The following LAMC3 variants were observed in gnomAD, a reference collection of about 807,000 sequenced individuals.
LAMC3 encodes the protein laminin subunit gamma 3, also known as laminin subunit gamma-3.
Under a neutral mutation model 173.8 loss-of-function variants are expected in LAMC3, and 128 were observed. The ratio of observed to expected loss-of-function variants is 0.74; its 90% CI spans 0.64 to 0.85. The LOEUF (loss-of-function observed/expected upper bound fraction) is 0.85. LAMC3 is among the 40% of genes least tolerant of loss of function. The pLI, the probability that LAMC3 is intolerant of heterozygous loss-of-function variation, is 0.00. For missense variants in LAMC3, 2,022 were observed against 2,156.0 expected, an observed-to-expected ratio of 0.94 and a Z score of 1.23; for synonymous variants, 897 against 909.1, an observed-to-expected ratio of 0.99 and a Z score of 0.24.
rs975195322 is a variant in LAMC3, at chr9:131,069,668, C to T, written c.2891-4C>T. 3.1e-6 allele frequency: 5 copies of T among 1,599,808 alleles called. No individual in the cohort carries two copies. The African/African-American group carries it at 4.0e-5, about 13-fold the overall frequency. Reference sequence around the variant, plus strand: ...CCAGCACGCACTGCCCCTGGCCCCTCTAGCCTGCAGGTGCTCCCCACTGGG... The same window carrying T: ...CCAGCACGCACTGCCCCTGGCCCCTTTAGCCTGCAGGTGCTCCCCACTGGG... On this transcript the variant is annotated splice_region_variant and splice_polypyrimidine_tract_variant and intron_variant, in intron 16 of 27. Transcript: ENST00000361069.
In LAMC3 at chr9:131,009,381, G is replaced by A. The variant is rs771567632; in HGVS notation, c.167G>A (p.Ser56Asn). Residue 56 changes from serine (S) to asparagine (N), a missense_variant, in exon 1 of 28, where the codon AGC becomes AAC. By Grantham distance (46) the Ser-to-Asn change is conservative (BLOSUM62 1). Transcript: ENST00000361069. This position sits in a 1 kb window ranked among gnomAD's most constrained non-coding sequence, Gnocchi z 4.3. ...RLAQASHTCGSPPEDFCPHVG... is the reference protein window; with the variant it reads ...RLAQASHTCGNPPEDFCPHVG... ...GCCCAGGCCTCGCACACGTGCGGCA[G>A]CCCGCCCGAGGACTTCTGTCCCCAC... The A allele has an allele frequency of 3.3e-6, 5 of 1,527,528 alleles. No individual in the cohort carries two copies. The South Asian group carries it at 6.0e-5, about 18-fold the overall frequency. 94.6% of individuals were successfully genotyped at this position (1,527,528 alleles called of 1,614,324 possible). A position where few individuals can be genotyped will look rare whatever the true frequency, so the allele number is the denominator to read the frequency against.
At chr9:131,071,877 T>C (rs978542557) in intron 18 of LAMC3, among the ~76,000 whole-genome samples, 6 of 152,342 alleles carry the variant, frequency 3.9e-5, no homozygotes, top group Middle Eastern at 3.4e-3. Flanking sequence ...AGGGGTGTCA[T>C]GAGGCGCTGC....
intron 27 of LAMC3, among the ~76,000 whole-genome samples, chr9:131,089,378 A>C (rs893886692): frequency 1.3e-5 from 2 of 151,676 alleles, no homozygotes; most frequent in Admixed American, 6.6e-5. Flanking sequence ...TAGTATTTGT[A>C]CTTTTAAAAT....
At position 131,009,457 on chromosome 9, in the gene LAMC3, C is replaced by A; in HGVS notation, c.243C>A (p.Asp81Glu). ...ATTGCCAGCGCTGCGACGCCGCCGA[C>A]CCCCAGCGCCACCACAACGCCTCCT... The part of the protein sequence containing the change: ...GAHCQRCDAA[D>E]PQRHHNASYL... Residue 81 changes from aspartate (D) to glutamate (E), a missense_variant, in exon 1 of 28, where the codon GAC (aspartate) becomes GAA (glutamate). By Grantham distance (45) the Asp-to-Glu change is conservative. Transcript: ENST00000361069. The surrounding 1 kb of genome is among the most constrained non-coding windows in gnomAD (Gnocchi z 4.3). The A allele has an allele frequency of 6.5e-7, 1 of 1,547,302 alleles. No individual in the cohort carries two copies. Among genetic ancestry groups the A allele is most frequent in the Non-Finnish European group, 8.7e-7 (1 of 1,146,102 alleles).
At chr9:131,085,789 C>A in intron 25 of LAMC3, 66 bp downstream of exon 25, 1 of 1,480,170 alleles carries the variant, frequency 6.8e-7, no homozygotes, top group Non-Finnish European at 9.4e-7. Flanking sequence ...TTCCGCGGGC[C>A]CCTTCCCGAC....
chr9:131,031,447 G>A (rs898295557), intron 2 of LAMC3, among the ~76,000 whole-genome samples: 4 of 152,330 alleles, frequency 2.6e-5, no homozygotes, highest in South Asian at 2.1e-4. Flanking sequence ...CCCTGCTCTC[G>A]TGGAAGAGAT....
At chr9:131,033,153 C>A (rs1433545952) in intron 3 of LAMC3, among the ~76,000 whole-genome samples, 1 of 152,254 alleles carries the variant, frequency 6.6e-6, no homozygotes, top group African/African-American at 2.4e-5. Context: ...AGAGGCCCAT[C>A]TCTCACCTCA....
At chr9:131,074,006 G>A (rs1830081836) in intron 20 of LAMC3, among the ~76,000 whole-genome samples, 1 of 146,822 alleles carries the variant, frequency 6.8e-6, no homozygotes, top group East Asian at 2.0e-4. Context: ...GAGTGCAGTG[G>A]CGCTATCTCG....
rs1469043834 is a variant in LAMC3, at chr9:131,041,637, A to G, written c.1284A>G (p.Arg428=). 1 of 1,613,888 alleles carries G rather than the reference A, an allele frequency of 6.2e-7. No individual in the cohort carries two copies. Among genetic ancestry groups the G allele is most frequent in the Non-Finnish European group, 8.5e-7 (1 of 1,179,942 alleles). ...GFHSLSEGGC[R]PCTCNPAGSL... Reference sequence around the variant, plus strand: ...TCCTCTTGTCCTGTCTCATTGGCAGACCCTGCACTTGCAATCCCGCTGGCA... The same window carrying G: ...TCCTCTTGTCCTGTCTCATTGGCAGGCCCTGCACTTGCAATCCCGCTGGCA... The change falls in exon 7 of 28, where the codon AGA becomes AGG. Residue 428 remains arginine, a splice_region_variant and synonymous_variant. Coordinates refer to ENST00000361069, the MANE Select transcript of LAMC3 (RefSeq NM_006059.4).
At position 131,032,177 on chromosome 9, in the gene LAMC3, T is replaced by TAGGAGGG. The variant is rs763259337; in HGVS notation, c.809+13_809+19dup. ...GTCCGACTTCTCTGTGGGCGGCAGGTAGGAGGGAGGAGGGAGGCAGGGTGG... is the reference window on the plus strand; with the variant it reads ...GTCCGACTTCTCTGTGGGCGGCAGGTAGGAGGGAGGAGGGAGGAGGGAGGCAGGGTGG... On this transcript the variant is annotated splice_region_variant and intron_variant, in intron 3 of 27. Coordinates refer to ENST00000361069, the MANE Select transcript of LAMC3 (RefSeq NM_006059.4). The TAGGAGGG allele has an allele frequency of 4.6e-6, 7 of 1,532,774 alleles. No homozygotes were observed. The highest frequency in any genetic ancestry group is 3.3e-5 in the South Asian group (3 of 90,092). 94.9% of individuals were successfully genotyped at this position (1,532,774 alleles called of 1,614,324 possible). A position where few individuals can be genotyped will look rare whatever the true frequency, so the allele number is the denominator to read the frequency against.
chr9:131,044,248 A>G (rs1834108076), intron 7 of LAMC3, among the ~76,000 whole-genome samples: 1 of 150,916 alleles, frequency 6.6e-6, no homozygotes, highest in Non-Finnish European at 1.5e-5. Context: ...GCGGTGGCTC[A>G]TGCCTGTAAT....
At chr9:131,010,917 G>T (rs897815275) in intron 1 of LAMC3, among the ~76,000 whole-genome samples, 3 of 152,208 alleles carry the variant, frequency 2.0e-5, no homozygotes, top group Non-Finnish European at 4.4e-5. Context: ...CTGTGGCCGG[G>T]TAAGCGCCAA....
At chr9:131,036,133 C>T (rs758519325) in intron 3 of LAMC3, 33 bp from the exon 4 acceptor site, 20 of 1,611,706 alleles carry the variant, frequency 1.2e-5, no homozygotes, top group African/African-American at 9.3e-5. Context: ...CCGGCACCTG[C>T]GGGTCCCCTT....
At chr9:131,023,861 A>G (rs1162436246) in intron 1 of LAMC3, among the ~76,000 whole-genome samples, 3 of 152,064 alleles carry the variant, frequency 2.0e-5, no homozygotes, top group Non-Finnish European at 4.4e-5. Context: ...CTCCTTTGTC[A>G]GTTTTTAATT....
intron 3 of LAMC3, among the ~76,000 whole-genome samples, chr9:131,032,783 C>T (rs1833867522): frequency 6.6e-6 from 1 of 152,210 alleles, no homozygotes. Context: ...ATTCACCTGT[C>T]TCAGCCTCCC....
rs1400941387 is a variant in LAMC3 at position 131,052,679 on chromosome 9, T to C, written c.1819T>C (p.Phe607Leu). The change falls in exon 10 of 28, where the codon TTC (phenylalanine) becomes CTC (leucine). Residue 607 changes from phenylalanine to leucine, a missense_variant. Transcript: ENST00000361069. ...GCATCCCAGGGAGGTAGAGCTCAGG[T>C]TCCAGTAAGTATCCCCTTCTGTCCT... Reference protein sequence around the residue: ...AGHPREVELRFHLQETSEDVA... With the variant: ...AGHPREVELRLHLQETSEDVA... The C allele has an allele frequency of 6.2e-7, 1 of 1,613,090 alleles. No homozygotes were observed. Among genetic ancestry groups the C allele is most frequent in the Non-Finnish European group, 8.5e-7 (1 of 1,179,512 alleles).
intron 11 of LAMC3, 35 bp from the exon 12 acceptor site, chr9:131,056,894 C>A (rs1834417732): frequency 8.4e-6 from 13 of 1,555,440 alleles, no homozygotes; most frequent in Non-Finnish European, 1.1e-5. Context: ...GGAGCTTGTG[C>A]CTCCTCTCTT....
In LAMC3 at chr9:131,091,769, C is replaced by T. The variant is rs1830432126; in HGVS notation, c.4710C>T (p.Asn1570=). Residue 1570 remains asparagine, a synonymous_variant, in exon 28 of 28, where the codon AAC becomes AAT. Transcript: ENST00000361069. ...CCATTCTGCACAGCCTGCCCGAGAACTGTGCCAGCTGGCAGTGAGGGCTGC... is the reference window on the plus strand; with the variant it reads ...CCATTCTGCACAGCCTGCCCGAGAATTGTGCCAGCTGGCAGTGAGGGCTGC... ...LEAILHSLPE[N]CASWQ is the part of the protein sequence containing the mutation. 2 of 1,612,904 alleles carry T rather than the reference C, an allele frequency of 1.2e-6. No individual in the cohort carries two copies. The highest frequency in any genetic ancestry group is 8.5e-7 in the Non-Finnish European group (1 of 1,180,000).
At chr9:131,049,841 T>C (rs1023066099) in intron 9 of LAMC3, among the ~76,000 whole-genome samples, 21 of 152,138 alleles carry the variant, frequency 1.4e-4, no homozygotes, top group African/African-American at 5.1e-4. Flanking sequence ...TTCTGACCTC[T>C]CCACCCCACA....
Sources: allele counts gnomAD v4.1 joint callset (sites outside exome capture counted in the v4.1 genomes callset), GRCh38; gene constraint gnomAD v4.1.1; non-coding constraint Gnocchi (gnomAD v3.1); transcripts MANE v1.5; gene names NCBI Gene and HGNC (gene_info 2026-07-23, HGNC 2026-07-21).